PAPPA2: variants seen among roughly 807,000 people sequenced by gnomAD.
The protein encoded by PAPPA2 is pappalysin 2, also known as pappalysin-2.
A neutral mutation model predicts 176.4 loss-of-function variants in PAPPA2; 86 were observed. The ratio of observed to expected loss-of-function variants is 0.49; its 90% CI spans 0.41 to 0.58. PAPPA2 has a LOEUF of 0.58. PAPPA2 is among the 20% of genes least tolerant of loss of function. PAPPA2 has a pLI of 0.00. For synonymous variants in PAPPA2, 809 were observed against 852.2 expected, an observed-to-expected ratio of 0.95 and a Z score of 0.88; for missense variants, 2,073 against 2,256.9, an observed-to-expected ratio of 0.92 and a Z score of 1.65.
In PAPPA2 at chr1:176,769,602, T is replaced by C. The variant is rs1473410658; in HGVS notation, c.4324-5T>C. ...CTTTGACAGAAGCAATTTCTCTGTT[T>C]CTAGAAGGAAATTCTGCTCACATGT... is the stretch of plus-strand genomic sequence containing the variant. On this transcript the variant is annotated splice_polypyrimidine_tract_variant and splice_region_variant and intron_variant, in intron 15 of 22. Coordinates refer to ENST00000367662, the MANE Select transcript of PAPPA2 (RefSeq NM_020318.3). The C allele has an allele frequency of 1.2e-6, 2 of 1,613,050 alleles. No homozygotes were observed. Among genetic ancestry groups the C allele is most frequent in the Admixed American group, 3.3e-5 (2 of 59,740 alleles).
At chr1:176,568,084 G>T (rs375983184) in intron 2 of PAPPA2, among the ~76,000 whole-genome samples, 4 of 152,312 alleles carry the variant, frequency 2.6e-5, no homozygotes, top group African/African-American at 9.6e-5. Flanking sequence ...AAACTTGGCT[G>T]TGATGGAAGG....
chr1:176,729,227 C>T (rs928936560), intron 12 of PAPPA2, among the ~76,000 whole-genome samples: 7 of 151,904 alleles, frequency 4.6e-5, no homozygotes, highest in South Asian at 2.1e-4. Context: ...TTTCTAATAT[C>T]GTCTGTTAAA....
At chr1:176,695,956 A>G in intron 7 of PAPPA2, 97 bp downstream of exon 7, 1 of 1,298,688 alleles carries the variant, frequency 7.7e-7, no homozygotes, top group Admixed American at 1.8e-5. Flanking sequence ...CAAAAAGGCA[A>G]TGTATGTGTA....
At chr1:176,775,176 A>G (rs545791778) in intron 17 of PAPPA2, among the ~76,000 whole-genome samples, 2 of 152,298 alleles carry the variant, frequency 1.3e-5, no homozygotes, top group South Asian at 2.1e-4. Context: ...TTACTCATCT[A>G]TATTCACGAA....
chr1:176,598,051 C>A (rs1654080249), intron 3 of PAPPA2, among the ~76,000 whole-genome samples: 2 of 152,146 alleles, frequency 1.3e-5, no homozygotes, highest in Non-Finnish European at 2.9e-5. Context: ...TTTTACCCCC[C>A]ACATATAAAA....
intron 2 of PAPPA2, among the ~76,000 whole-genome samples, chr1:176,562,405 C>T (rs1423968423): frequency 6.6e-6 from 1 of 152,148 alleles, no homozygotes; most frequent in Non-Finnish European, 1.5e-5. Flanking sequence ...TGGGATCTCT[C>T]CCTTTATCCA....
At chr1:176,740,644 A>G (rs936499288) in intron 14 of PAPPA2, among the ~76,000 whole-genome samples, 3 of 152,166 alleles carry the variant, frequency 2.0e-5, no homozygotes, top group Admixed American at 6.5e-5. Flanking sequence ...TTATATGTGG[A>G]AATAGGAAAT....
intron 2 of PAPPA2, among the ~76,000 whole-genome samples, chr1:176,592,153 G>A (rs1449213607): frequency 6.6e-6 from 1 of 152,200 alleles, no homozygotes; most frequent in Admixed American, 6.5e-5. Flanking sequence ...GTGCAGGATA[G>A]TGCTTCAGCA....
At chr1:176,560,260 A>T (rs139008348) in intron 2 of PAPPA2, among the ~76,000 whole-genome samples, 399 of 152,318 alleles carry the variant, frequency 2.6e-3, no homozygotes, top group Non-Finnish European at 4.9e-3. Flanking sequence ...AAGAAAATCA[A>T]CTAAAGTTTC....
intron 12 of PAPPA2, among the ~76,000 whole-genome samples, chr1:176,724,428 C>G (rs1661767026): frequency 1.3e-5 from 2 of 152,128 alleles, no homozygotes; most frequent in Admixed American, 6.5e-5. Flanking sequence ...TCAATAAGTA[C>G]TTGTTTGGTT....
intron 17 of PAPPA2, among the ~76,000 whole-genome samples, chr1:176,788,959 C>T (rs1450907405): frequency 6.6e-6 from 1 of 152,146 alleles, no homozygotes; most frequent in Non-Finnish European, 1.5e-5. Context: ...ATTATATTGC[C>T]ATATCAACAC....
chr1:176,799,845 C>T (rs1665599681), intron 20 of PAPPA2, among the ~76,000 whole-genome samples: 1 of 152,076 alleles, frequency 6.6e-6, no homozygotes, highest in Admixed American at 6.5e-5. Flanking sequence ...CGAGAAATCT[C>T]CTCCACTGAG....
At chr1:176,626,977 C>T (rs1354925390) in intron 3 of PAPPA2, among the ~76,000 whole-genome samples, 3 of 151,062 alleles carry the variant, frequency 2.0e-5, no homozygotes, top group Admixed American at 2.0e-4. Context: ...CCCACCTCGG[C>T]CTCTTAAAGT....
At chr1:176,520,835 T>C (rs982226926) in intron 1 of PAPPA2, among the ~76,000 whole-genome samples, 1 of 152,078 alleles carries the variant, frequency 6.6e-6, no homozygotes, top group Non-Finnish European at 1.5e-5. Flanking sequence ...GCCAAGTGAG[T>C]TGGGCACAGT....
Position 176,699,251 on chromosome 1 carries a change from C to T in PAPPA2, c.2898C>T (p.Leu966=). ...LFQHPVQADT[L]TLWVTSFFME... ...AACACCCGGTCCAAGCCGACACCCTCACCCTGTGGGTCACTTCCTTCTTCA... is the reference window on the plus strand; with the variant it reads ...AACACCCGGTCCAAGCCGACACCCTTACCCTGTGGGTCACTTCCTTCTTCA... The change falls in exon 8 of 23, where the codon CTC becomes CTT. Residue 966 remains leucine, a synonymous_variant. Coordinates refer to ENST00000367662, the MANE Select transcript of PAPPA2 (RefSeq NM_020318.3). 6.2e-7 allele frequency: 1 copy of T among 1,614,190 alleles called. No individual in the cohort carries two copies. The highest frequency in any genetic ancestry group is 1.1e-5 in the South Asian group (1 of 91,086).
In PAPPA2 at chr1:176,594,815, G is replaced by T. The variant is rs758781900; in HGVS notation, c.1211G>T (p.Arg404Leu). ...PLNSPFMASC[R>L]SLLLGGDSSE... ...AACAGCCCCTTCATGGCATCTTGCCGCTCTTTGCTCCTGGGGGGAGACAGC... is the reference window on the plus strand; with the variant it reads ...AACAGCCCCTTCATGGCATCTTGCCTCTCTTTGCTCCTGGGGGGAGACAGC... The change falls in exon 3 of 23, where the codon CGC becomes CTC. Residue 404 changes from arginine to leucine, a missense_variant. Transcript: ENST00000367662. 2 of 1,614,220 alleles carry T rather than the reference G, an allele frequency of 1.2e-6. No homozygotes were observed. Among genetic ancestry groups the T allele is most frequent in the Non-Finnish European group, 1.7e-6 (2 of 1,180,042 alleles).
At chr1:176,769,574 T>A in intron 15 of PAPPA2, 33 bp from the exon 16 acceptor site, 1 of 1,601,674 alleles carries the variant, frequency 6.2e-7, no homozygotes, top group Non-Finnish European at 8.5e-7. Context: ...CCTTTTAATG[T>A]GACTTTGACA....
chr1:176,829,340 A>G (rs374280927), intron 21 of PAPPA2, among the ~76,000 whole-genome samples: 2 of 151,942 alleles, frequency 1.3e-5, no homozygotes, highest in East Asian at 3.9e-4. Flanking sequence ...AAAAATATTT[A>G]ATCCAAACAA....
chr1:176,783,165 G>A (rs879574571), intron 17 of PAPPA2, among the ~76,000 whole-genome samples: 6 of 151,986 alleles, frequency 3.9e-5, no homozygotes, highest in Non-Finnish European at 8.8e-5. Flanking sequence ...ACACAGAGTG[G>A]GTCTGAGGAC....
Sources: allele counts gnomAD v4.1 joint callset (sites outside exome capture counted in the v4.1 genomes callset), GRCh38; gene constraint gnomAD v4.1.1; transcripts MANE v1.5; gene names NCBI Gene and HGNC (gene_info 2026-07-23, HGNC 2026-07-21).